Variants in SFMBT2 observed in about 807,000 individuals in gnomAD.
SFMBT2 encodes the protein scm-like with four MBT domains protein 2.
In SFMBT2, 38 loss-of-function variants were observed where a neutral mutation model predicts 110.1. The ratio of observed to expected loss-of-function variants is 0.35; its 90% CI spans 0.27 to 0.45. SFMBT2 has a LOEUF of 0.45. SFMBT2 is among the 20% of genes least tolerant of loss of function. The pLI is 1.00. For synonymous variants in SFMBT2, 425 were observed against 425.4 expected (o/e 1.00, Z 0.01); for missense variants, 1,011 against 1,094.9 (o/e 0.92, Z 1.08).
chr10:7,205,624 T>C (rs1175336470), intron 12 of SFMBT2, 191 bp downstream of exon 12: 2 of 985,366 alleles, frequency 2.0e-6, no homozygotes, highest in African/African-American at 3.5e-5. Context: ...TGTTAAAGTT[T>C]GTCAACCTGT....
Position 7,381,961 on chromosome 10 carries a change from CAAA to C in SFMBT2, c.-51-15_-51-13del. The C allele has an allele frequency of 5.3e-5, 55 of 1,029,408 alleles. No individual in the cohort carries two copies. Among genetic ancestry groups the C allele is most frequent in the Non-Finnish European group, 6.2e-5 (48 of 769,984 alleles). The allele number at this position is 1,029,408 out of a possible 1,614,324, so 63.8% of individuals were successfully genotyped here. A position where few individuals can be genotyped will look rare whatever the true frequency, so the allele number is the denominator to read the frequency against. On this transcript the variant is annotated splice_polypyrimidine_tract_variant and intron_variant, in intron 1 of 20. Coordinates refer to ENST00000397167, the MANE Select transcript of SFMBT2 (RefSeq NM_001387889.1). ...GCAGAAAAAATTACCTAAGAGCAAT[CAAA>C]AAAAAAAAAATCAGAGCAGTTTAAT...
intron 4 of SFMBT2, among the ~76,000 whole-genome samples, chr10:7,333,139 T>A (rs898020319): frequency 3.4e-4 from 52 of 152,286 alleles, no homozygotes; most frequent in African/African-American, 1.1e-3. Flanking sequence ...AGTGCTGGGA[T>A]TATAGGTGTG....
chr10:7,376,418 C>T (rs1845210131), intron 2 of SFMBT2, among the ~76,000 whole-genome samples: 1 of 151,920 alleles, frequency 6.6e-6, no homozygotes, highest in South Asian at 2.1e-4. Flanking sequence ...TTGAGCTTTC[C>T]TTAGAAAAAG....
intron 4 of SFMBT2, among the ~76,000 whole-genome samples, chr10:7,337,662 C>G (rs1305248764): frequency 6.6e-6 from 1 of 152,138 alleles, no homozygotes; most frequent in Non-Finnish European, 1.5e-5. Context: ...GAATCGTGAG[C>G]CAATTACACC....
At chr10:7,191,271 T>A (rs1469006259) in intron 15 of SFMBT2, among the ~76,000 whole-genome samples, 1 of 152,184 alleles carries the variant, frequency 6.6e-6, no homozygotes, top group Non-Finnish European at 1.5e-5. Context: ...CCCAATCCAA[T>A]GGGGCTTTTC....
At chr10:7,227,094 T>C (rs975373686) in intron 10 of SFMBT2, among the ~76,000 whole-genome samples, 5 of 152,218 alleles carry the variant, frequency 3.3e-5, no homozygotes, top group African/African-American at 1.2e-4. Flanking sequence ...AAAAATCCTA[T>C]TATTATGTTC....
chr10:7,394,433 T>A (rs1036350009), intron 1 of SFMBT2, among the ~76,000 whole-genome samples: 1 of 151,212 alleles, frequency 6.6e-6, no homozygotes, highest in Non-Finnish European at 1.5e-5. Flanking sequence ...TCCTCTCCAC[T>A]CTCTGGGGAA....
chr10:7,401,443 T>G (rs937093641), intron 1 of SFMBT2, among the ~76,000 whole-genome samples: 1 of 152,206 alleles, frequency 6.6e-6, no homozygotes, highest in Non-Finnish European at 1.5e-5. Context: ...ACCTCCTGTT[T>G]GTTTATAAAT....
chr10:7,169,330 T>C (rs1459550629), intron 20 of SFMBT2, among the ~76,000 whole-genome samples: 1 of 152,206 alleles, frequency 6.6e-6, no homozygotes, highest in Non-Finnish European at 1.5e-5. Flanking sequence ...GTCAATAGGA[T>C]GAACTACTTC....
intron 1 of SFMBT2, among the ~76,000 whole-genome samples, chr10:7,393,015 A>T (rs1327788282): frequency 3.0e-4 from 24 of 79,756 alleles, no homozygotes; most frequent in African/African-American, 2.0e-3. Flanking sequence ...ATATATATAT[A>T]TATATATATA....
intron 2 of SFMBT2, among the ~76,000 whole-genome samples, chr10:7,374,844 G>C (rs1183705287): frequency 6.6e-6 from 1 of 152,148 alleles, no homozygotes; most frequent in African/African-American, 2.4e-5. Context: ...TTTAAAATGG[G>C]TCACGTACAA....
At chr10:7,267,489 C>G (rs897287026) in intron 7 of SFMBT2, among the ~76,000 whole-genome samples, 24 of 152,116 alleles carry the variant, frequency 1.6e-4, no homozygotes, top group Non-Finnish European at 3.4e-4. Context: ...ACTCTGTTGC[C>G]CAGGCTGAAG....
intron 10 of SFMBT2, among the ~76,000 whole-genome samples, chr10:7,224,817 A>T (rs1839852943): frequency 1.3e-5 from 2 of 152,256 alleles, no homozygotes; most frequent in South Asian, 4.1e-4. Context: ...ATACTTATGG[A>T]TACCAAGATA....
intron 7 of SFMBT2, among the ~76,000 whole-genome samples, chr10:7,252,945 C>A (rs569217230): frequency 6.6e-6 from 1 of 152,356 alleles, no homozygotes; most frequent in South Asian, 2.1e-4. Flanking sequence ...TTCCACCCCA[C>A]ACCCACTAGG....
chr10:7,381,747 A>C, intron 2 of SFMBT2, 52 bp downstream of exon 2: 1 of 1,576,862 alleles, frequency 6.3e-7, no homozygotes, highest in South Asian at 1.1e-5. Flanking sequence ...TTTCAGGAAG[A>C]TATTGATCAA....
At chr10:7,231,707 C>T (rs576227245) in intron 9 of SFMBT2, among the ~76,000 whole-genome samples, 1 of 21,702 alleles carries the variant, frequency 4.6e-5, no homozygotes, top group African/African-American at 1.7e-4. Flanking sequence ...TTATTCCGTC[C>T]CTAGAACAAT....
At chr10:7,352,824 A>G (rs1474305277) in intron 4 of SFMBT2, among the ~76,000 whole-genome samples, 4 of 152,180 alleles carry the variant, frequency 2.6e-5, no homozygotes, top group Non-Finnish European at 5.9e-5. Context: ...ATCCTGGCTA[A>G]CATGGTGAAA....
chr10:7,228,450 A>C (rs1486623990), intron 9 of SFMBT2: 2 of 628,314 alleles, frequency 3.2e-6, no homozygotes, highest in East Asian at 2.7e-4. Flanking sequence ...GAGGGCAACA[A>C]AGAGTAGAGG....
intron 2 of SFMBT2, among the ~76,000 whole-genome samples, chr10:7,378,577 AGTGT>A (rs966605525): frequency 9.9e-6 from 1 of 101,160 alleles, no homozygotes; most frequent in Non-Finnish European, 1.9e-5. Context: ...GATGGGTGTG[AGTGT>A]GTGTGTGTAT....
Sources: gnomAD v4.1 joint callset for allele counts (sites outside exome capture counted in the v4.1 genomes callset) on GRCh38, gnomAD v4.1.1 for gene constraint, MANE v1.5 for transcripts, NCBI Gene and HGNC (gene_info 2026-07-23, HGNC 2026-07-21) for gene names.